Variants in TMEFF2 observed in about 807,000 individuals in gnomAD.
TMEFF2 encodes the protein tomoregulin-2.
A neutral mutation model predicts 53.8 loss-of-function variants in TMEFF2; 28 were observed. The observed-to-expected ratio is 0.52, with a 90% CI of 0.39 to 0.71. TMEFF2 has a LOEUF of 0.71. TMEFF2 is among the 30% of genes least tolerant of loss of function. The pLI is 0.00. For missense variants in TMEFF2, 353 were observed against 455.2 expected, an observed-to-expected ratio of 0.78 and a Z score of 2.04; for synonymous variants, 162 against 166.3, an observed-to-expected ratio of 0.97 and a Z score of 0.20.
chr2:192,075,337 AC>A (rs1688408223), intron 4 of TMEFF2, among the ~76,000 whole-genome samples: 1 of 138,944 alleles, frequency 7.2e-6, no homozygotes, highest in African/African-American at 2.8e-5. Flanking sequence ...ATATATACAT[AC>A]ATACTATGTA....
chr2:192,072,684 A>C (rs1688318636), intron 4 of TMEFF2, among the ~76,000 whole-genome samples: 1 of 151,924 alleles, frequency 6.6e-6, no homozygotes, highest in Admixed American at 6.6e-5. Flanking sequence ...GTAGCAACTG[A>C]TTTTGTCTCT....
chr2:192,178,690 A>C (rs1231296762), intron 4 of TMEFF2: 1 of 151,254 alleles, frequency 6.6e-6, no homozygotes, highest in Non-Finnish European at 1.5e-5. Flanking sequence ...GTGTTTCCTG[A>C]ACTAGATAAA....
At chr2:191,997,640 GAA>G (rs1453531788) in intron 7 of TMEFF2, among the ~76,000 whole-genome samples, 1 of 151,312 alleles carries the variant, frequency 6.6e-6, no homozygotes, top group Non-Finnish European at 1.5e-5. Context: ...TCTCACTCTA[GAA>G]AAGTTAGATT....
chr2:192,098,462 G>A (rs2356768), intron 4 of TMEFF2, among the ~76,000 whole-genome samples: 151,765 of 152,308 alleles, frequency 1, 75,613 homozygotes, highest in Middle Eastern at 1. Flanking sequence ...AAGTGTTAAG[G>A]GACTGTCTTT....
chr2:192,144,606 G>T (rs961258511), intron 4 of TMEFF2, among the ~76,000 whole-genome samples: 1 of 152,054 alleles, frequency 6.6e-6, no homozygotes, highest in Admixed American at 6.6e-5. Flanking sequence ...GTGCAAGTAC[G>T]TTTTAACATT....
chr2:192,138,175 TAC>T (rs1157895963), intron 4 of TMEFF2, among the ~76,000 whole-genome samples: 2 of 152,180 alleles, frequency 1.3e-5, no homozygotes, highest in Non-Finnish European at 2.9e-5. Context: ...TTCAATATCT[TAC>T]AGTTACTACA....
At position 192,184,406 on chromosome 2, in the gene TMEFF2, T is replaced by C; in HGVS notation, c.360A>G (p.Ala120=). Reference sequence around the variant, plus strand: ...CAAGTATCTCACTCTGCTGTTTGCATGCAGCCTGTCGCAGGTAACACTCAT... The same window carrying C: ...CAAGTATCTCACTCTGCTGTTTGCACGCAGCCTGTCGCAGGTAACACTCAT... ...YQNECYLRQA[A]CKQQSEILVV... The change falls in exon 3 of 10, where the codon GCA becomes GCG. Residue 120 remains alanine (A), a synonymous_variant. Transcript: ENST00000272771. The C allele has an allele frequency of 1.9e-6, 3 of 1,613,424 alleles. No homozygotes were observed. The highest frequency in any genetic ancestry group is 8.5e-7 in the Non-Finnish European group (1 of 1,179,532).
At position 191,949,319 on chromosome 2, in the gene TMEFF2, T is replaced by G. The variant is rs1691796340; in HGVS notation, c.*992A>C. The G allele has an allele frequency of 1.0e-6, 1 of 985,430 alleles. No homozygotes were observed. Among genetic ancestry groups the G allele is most frequent in the African/African-American group, 1.7e-5 (1 of 57,366 alleles). 61.0% of individuals were successfully genotyped at this position (985,430 alleles called of 1,614,324 possible). A position where few individuals can be genotyped will look rare whatever the true frequency, so the allele number is the denominator to read the frequency against. ...TGCTCAAAACATCTCTCTGTTTTCATGAAATATCGTCATCATCATCTTAGT... is the reference window on the plus strand; with the variant it reads ...TGCTCAAAACATCTCTCTGTTTTCAGGAAATATCGTCATCATCATCTTAGT... On this transcript the variant is annotated 3_prime_UTR_variant, in exon 10 of 10. Transcript: ENST00000272771.
intron 9 of TMEFF2, among the ~76,000 whole-genome samples, chr2:191,952,136 TTTC>T (rs1384672940): frequency 3.3e-5 from 5 of 152,216 alleles, no homozygotes; most frequent in Non-Finnish European, 5.9e-5. Context: ...GAGATAATTG[TTTC>T]TTCTTTGTAA....
chr2:192,059,181 C>T (rs79752731), intron 4 of TMEFF2, among the ~76,000 whole-genome samples: 1,690 of 151,034 alleles, frequency 0.011, 42 homozygotes, highest in African/African-American at 0.038. Flanking sequence ...TGATAGTCAA[C>T]GCTTACATTT....
chr2:192,034,425 A>G (rs1447538840), intron 5 of TMEFF2, among the ~76,000 whole-genome samples: 1 of 152,116 alleles, frequency 6.6e-6, no homozygotes, highest in African/African-American at 2.4e-5. Context: ...TCCATGGGGA[A>G]AAAAAATCAC....
intron 4 of TMEFF2, among the ~76,000 whole-genome samples, chr2:192,145,257 T>C (rs927456223): frequency 4.6e-5 from 7 of 151,976 alleles, no homozygotes; most frequent in African/African-American, 1.7e-4. Flanking sequence ...TACATACTTG[T>C]GTTTATAAAA....
Position 192,130,160 on chromosome 2 carries a change from A to G in TMEFF2, c.439+49508T>C, listed in dbSNP as rs996637663. ...TGAAATAAGGAATTAAACAGTTACTATTATTTCTTCTTCCAGGATTGCAAA... is the reference window on the plus strand; with the variant it reads ...TGAAATAAGGAATTAAACAGTTACTGTTATTTCTTCTTCCAGGATTGCAAA... On this transcript the variant is annotated intron_variant, in intron 4 of 9. Transcript: ENST00000272771. Among the ~76,000 whole-genome samples, 12 of 152,328 alleles carry G rather than the reference A, an allele frequency of 7.9e-5. No individual in the cohort carries two copies. The South Asian group carries it at 2.5e-3, about 32-fold the overall frequency.
chr2:192,182,476 G>A (rs1017079004), intron 3 of TMEFF2, among the ~76,000 whole-genome samples: 3 of 151,936 alleles, frequency 2.0e-5, no homozygotes, highest in Admixed American at 6.6e-5. Context: ...TGGATTACTC[G>A]ATTGTGATTA....
intron 4 of TMEFF2, among the ~76,000 whole-genome samples, chr2:192,147,363 G>C (rs951943805): frequency 6.6e-6 from 1 of 151,534 alleles, no homozygotes; most frequent in Non-Finnish European, 1.5e-5. Flanking sequence ...TAAGTTTTAG[G>C]GTACATGTGC....
intron 4 of TMEFF2, among the ~76,000 whole-genome samples, chr2:192,075,332 T>TATATATATATACACATAC (rs796267672): frequency 2.3e-5 from 2 of 88,148 alleles, no homozygotes; most frequent in African/African-American, 8.2e-5. Context: ...TATATATATA[T>TATATATATATACACATAC]ACATACATAC....
intron 4 of TMEFF2, among the ~76,000 whole-genome samples, chr2:192,064,734 T>A (rs1345989987): frequency 2.0e-5 from 3 of 151,842 alleles, no homozygotes; most frequent in African/African-American, 7.2e-5. Flanking sequence ...TTGAGAGAGT[T>A]CTTAATAGAA....
chr2:192,001,806 G>A (rs1040391910), intron 5 of TMEFF2, among the ~76,000 whole-genome samples: 81 of 152,124 alleles, frequency 5.3e-4, no homozygotes, highest in Admixed American at 3.9e-4. Context: ...GTGGAACTGT[G>A]AGTCCATTAA....
At chr2:192,183,408 A>G (rs1691233947) in intron 3 of TMEFF2, among the ~76,000 whole-genome samples, 1 of 152,054 alleles carries the variant, frequency 6.6e-6, no homozygotes, top group African/African-American at 2.4e-5. Context: ...CTGTTATCTA[A>G]GAGGGACTTT....
Sources: gnomAD v4.1 joint callset for allele counts (sites outside exome capture counted in the v4.1 genomes callset) on GRCh38, gnomAD v4.1.1 for gene constraint, MANE v1.5 for transcripts, NCBI Gene and HGNC (gene_info 2026-07-23, HGNC 2026-07-21) for gene names.